CCNI: variants seen among roughly 807,000 people sequenced by gnomAD.
CCNI encodes cyclin-I.
A neutral mutation model predicts 34.1 loss-of-function variants in CCNI; 14 were observed. That is an observed-to-expected ratio of 0.41 (90% confidence interval 0.27 to 0.64). CCNI has a LOEUF of 0.64. Among genes scored for constraint, CCNI ranks in the 30% least tolerant of loss-of-function variants. CCNI has a pLI of 0.31. For missense variants in CCNI, 385 were observed against 440.5 expected (o/e 0.87, Z 1.13); for synonymous variants, 154 against 158.4 (o/e 0.97, Z 0.21).
intron 1 of CCNI, among the ~76,000 whole-genome samples, chr4:77,072,584 C>T (rs1490975806): frequency 1.4e-5 from 2 of 144,486 alleles, no homozygotes; most frequent in African/African-American, 5.2e-5. Context: ...CTGCAGTCAG[C>T]TATGATTACA....
intron 3 of CCNI, 93 bp from the exon 4 acceptor site, chr4:77,056,416 G>A (rs1394238180): frequency 1.2e-6 from 1 of 840,218 alleles, no homozygotes; most frequent in South Asian, 1.4e-5. Flanking sequence ...ATATGCAGAT[G>A]AGACAGGTAT....
At chr4:77,065,771 C>A (rs953490520) in intron 2 of CCNI, among the ~76,000 whole-genome samples, 4 of 152,156 alleles carry the variant, frequency 2.6e-5, no homozygotes, top group Admixed American at 6.5e-5. Context: ...ACTCTTGTTT[C>A]AGAAAGAAAA....
chr4:77,068,295 C>T (rs1436272877), intron 1 of CCNI, among the ~76,000 whole-genome samples: 1 of 152,106 alleles, frequency 6.6e-6, no homozygotes, highest in Non-Finnish European at 1.5e-5. Flanking sequence ...AGTAATGTAT[C>T]ACAATATTTA....
intron 5 of CCNI, 81 bp from the exon 6 acceptor site, chr4:77,055,461 T>TTTA: frequency 5.5e-5 from 52 of 944,826 alleles, no homozygotes; most frequent in Non-Finnish European, 7.9e-5. Flanking sequence ...ACCTATTCAA[T>TTTA]TTCTTTTTTT....
chr4:77,068,702 T>C (rs1729230581), intron 1 of CCNI, among the ~76,000 whole-genome samples: 1 of 152,142 alleles, frequency 6.6e-6, no homozygotes, highest in Admixed American at 6.5e-5. Flanking sequence ...TAAGAATTTT[T>C]TTAAATATCC....
intron 2 of CCNI, among the ~76,000 whole-genome samples, chr4:77,059,177 A>T (rs76034332): frequency 0.011 from 1,708 of 152,188 alleles, 18 homozygotes; most frequent in Non-Finnish European, 0.018. Context: ...TTGAACAGGA[A>T]ATTAATCTGA....
chr4:77,050,481 C>T (rs942891545), intron 6 of CCNI, among the ~76,000 whole-genome samples: 6 of 152,092 alleles, frequency 3.9e-5, no homozygotes, highest in African/African-American at 1.4e-4. Context: ...TGGTAAAAGG[C>T]TGATGTTAGT....
At chr4:77,048,966 T>TG (rs1727645645) in intron 6 of CCNI, among the ~76,000 whole-genome samples, 1 of 119,540 alleles carries the variant, frequency 8.4e-6, no homozygotes, top group Non-Finnish European at 1.6e-5. Context: ...ACGTCTGTTT[T>TG]TTTTTTTTTT....
chr4:77,055,091 A>G lies in CCNI; in HGVS notation c.690+59T>C, dbSNP rs1460547787. 9 of 1,090,168 alleles carry G rather than the reference A, an allele frequency of 8.3e-6. No homozygotes were observed. In the Admixed American group the frequency reaches 9.5e-5, roughly 11 times the overall value. 67.5% of individuals were successfully genotyped at this position (1,090,168 alleles called of 1,614,324 possible). On this transcript the variant is annotated intron_variant, in intron 6 of 6. Transcript: ENST00000237654. ...AAATGTCTTTTAGTTTGGTAACTCTATGTATTCCAATAATAGAAAAACTTA... is the reference window on the plus strand; with the variant it reads ...AAATGTCTTTTAGTTTGGTAACTCTGTGTATTCCAATAATAGAAAAACTTA...
intron 6 of CCNI, among the ~76,000 whole-genome samples, chr4:77,053,195 T>G (rs1727985779): frequency 1.3e-5 from 2 of 152,166 alleles, no homozygotes; most frequent in Admixed American, 6.5e-5. Flanking sequence ...AGATTTTCTT[T>G]GGGGAAGGGG....
In CCNI at chr4:77,048,454, A is replaced by G. The variant is rs201864291; in HGVS notation, c.899T>C (p.Val300Ala). 5.4e-5 allele frequency: 87 copies of G among 1,614,084 alleles called. No individual in the cohort carries two copies. Among genetic ancestry groups the G allele is most frequent in the Non-Finnish European group, 7.1e-5 (84 of 1,179,998 alleles). Residue 300 changes from valine to alanine, a missense_variant, in exon 7 of 7, where the codon GTC (valine) becomes GCC (alanine). Val to Ala is a moderately conservative substitution (Grantham distance 64, BLOSUM62 0). Around this residue, in one of 2 missense-constraint regions of CCNI, gnomAD observed 250 missense variants for 248.7 expected, o/e 1.01. Coordinates refer to ENST00000237654, the MANE Select transcript of CCNI (RefSeq NM_006835.3). ...ATGGTAAAAGGCTGCTGTACCTCTG[A>G]CTGGCACTTCTGGCTTGCTGTTGTC... ...SKDNSKPEVPVRGTAAFYHHL... is the reference protein window; with the variant it reads ...SKDNSKPEVPARGTAAFYHHL...
rs747563035 is a variant in CCNI at position 77,055,138 on chromosome 4, A to T, written c.690+12T>A. 1.3e-5 allele frequency: 20 copies of T among 1,549,984 alleles called. 1 individual carries two copies. In the South Asian group the frequency reaches 2.2e-4, roughly 17 times the overall value. The stretch of plus-strand genomic sequence containing the variant: ...CTTAAAAAGAACACTATTTAATTAG[A>T]CTGACACCTACCTGTGCTTTCTGAA... On this transcript the variant is annotated intron_variant, in intron 6 of 6. Transcript: ENST00000237654.
chr4:77,072,638 TAAA>T (rs61247567), intron 1 of CCNI, among the ~76,000 whole-genome samples: 35 of 101,386 alleles, frequency 3.5e-4, no homozygotes, highest in African/African-American at 1.3e-3. Flanking sequence ...CCCAATCTCT[TAAA>T]AAAAAAAAAA....
In CCNI at chr4:77,066,369, C is replaced by T. The variant is rs754068904; in HGVS notation, c.-7G>A. 3.7e-6 allele frequency: 6 copies of T among 1,613,792 alleles called. No individual in the cohort carries two copies. The Middle Eastern group carries it at 4.9e-4, about 133-fold the overall frequency. On this transcript the variant is annotated 5_prime_UTR_variant, in exon 2 of 7. Coordinates refer to ENST00000237654, the MANE Select transcript of CCNI (RefSeq NM_006835.3). ...AAGGCCCTGGAAACTTCATGATATC[C>T]TTTGGATCTGCCTGCTACCCAGCTT...
At chr4:77,062,015 TAA>T (rs1728640528) in intron 2 of CCNI, among the ~76,000 whole-genome samples, 1 of 152,126 alleles carries the variant, frequency 6.6e-6, no homozygotes, top group South Asian at 2.1e-4. Flanking sequence ...CTTTCTGTCT[TAA>T]ACTTCATGCT....
intron 4 of CCNI, 45 bp downstream of exon 4, chr4:77,056,204 G>C (rs1728215367): frequency 1.9e-6 from 3 of 1,594,922 alleles, no homozygotes; most frequent in African/African-American, 1.3e-5. Flanking sequence ...TAAATGTGGA[G>C]AGAAATTTTC....
At chr4:77,062,207 A>G (rs1441955003) in intron 2 of CCNI, among the ~76,000 whole-genome samples, 1 of 152,176 alleles carries the variant, frequency 6.6e-6, no homozygotes, top group Non-Finnish European at 1.5e-5. Flanking sequence ...TGATAATTCA[A>G]GTTGGGCTGA....
chr4:77,071,850 A>G (rs1241332780), intron 1 of CCNI, among the ~76,000 whole-genome samples: 1 of 152,198 alleles, frequency 6.6e-6, no homozygotes, highest in Non-Finnish European at 1.5e-5. Context: ...AAAAAGAAAG[A>G]AAGAAAAAAG....
chr4:77,053,772 G>GA (rs1728030420), intron 6 of CCNI, among the ~76,000 whole-genome samples: 1 of 152,110 alleles, frequency 6.6e-6, no homozygotes, highest in Admixed American at 6.6e-5. Flanking sequence ...TAATGTGAGT[G>GA]ATTAATATTC....
Sources: gnomAD v4.1 joint callset for allele counts (sites outside exome capture counted in the v4.1 genomes callset) on GRCh38, gnomAD v4.1.1 for gene constraint, gnomAD v4.1.1 regional missense constraint, MANE v1.5 for transcripts, NCBI Gene and HGNC (gene_info 2026-07-23, HGNC 2026-07-21) for gene names.